The following TEX9 variants were observed in gnomAD, a reference collection of about 807,000 sequenced individuals.
TEX9 encodes the protein testis-expressed protein 9.
Under a neutral mutation model 59.6 loss-of-function variants are expected in TEX9, and 74 were observed. The ratio of observed to expected loss-of-function variants is 1.24; its 90% CI spans 1.03 to 1.51. TEX9 has a LOEUF of 1.51. TEX9 is among the 40% of genes most tolerant of loss of function. TEX9 has a pLI of 0.00. For synonymous variants in TEX9, 186 were observed against 152.2 expected (o/e 1.22, Z -1.64); for missense variants, 522 against 447.8 (o/e 1.17, Z -1.49).
intron 1 of TEX9, among the ~76,000 whole-genome samples, chr15:56,298,262 A>G (rs1192342557): frequency 6.6e-6 from 1 of 152,240 alleles, no homozygotes; most frequent in East Asian, 1.9e-4. Flanking sequence ...ATAGTATTTG[A>G]GCAGTATCAA....
At chr15:56,385,798 A>G (rs1164761599) in intron 4 of TEX9, among the ~76,000 whole-genome samples, 1 of 152,122 alleles carries the variant, frequency 6.6e-6, no homozygotes, top group Non-Finnish European at 1.5e-5. Context: ...GAAGTAGGCT[A>G]TAAGAGGTGC....
intron 12 of TEX9, among the ~76,000 whole-genome samples, chr15:56,441,428 C>T (rs77114047): frequency 0.029 from 4,466 of 152,036 alleles, 243 homozygotes; most frequent in African/African-American, 0.1. Context: ...CGATATCCTG[C>T]GGTTCTGACT....
chr15:56,453,199 T>C, the TEX9 span, among the ~76,000 whole-genome samples: 1 of 152,174 alleles, frequency 6.6e-6, no homozygotes, highest in Non-Finnish European at 1.5e-5. Flanking sequence ...TTTACATATT[T>C]TAATTCCCAA....
At chr15:56,348,119 C>T (rs1322221219) in intron 1 of TEX9, among the ~76,000 whole-genome samples, 1 of 152,038 alleles carries the variant, frequency 6.6e-6, no homozygotes, top group Non-Finnish European at 1.5e-5. Context: ...CAAGATACCA[C>T]CATTGGATGA....
chr15:56,283,844 T>C (rs2044877469), intron 1 of TEX9, among the ~76,000 whole-genome samples: 1 of 152,142 alleles, frequency 6.6e-6, no homozygotes, highest in African/African-American at 2.4e-5. Context: ...CTGATATAAA[T>C]TTGTTGAAAC....
At chr15:56,440,617 G>A (rs2050801149) in intron 12 of TEX9, among the ~76,000 whole-genome samples, 1 of 152,030 alleles carries the variant, frequency 6.6e-6, no homozygotes, top group Non-Finnish European at 1.5e-5. Context: ...ACATGCCAAT[G>A]GAATGTTACT....
At chr15:56,442,533 G>C (rs1245798876) in intron 12 of TEX9, among the ~76,000 whole-genome samples, 1 of 152,112 alleles carries the variant, frequency 6.6e-6, no homozygotes, top group Non-Finnish European at 1.5e-5. Context: ...TGTGGTACAT[G>C]TACACCACGG....
At chr15:56,269,653 C>CTTTTTT (rs1309147898) in intron 1 of TEX9, among the ~76,000 whole-genome samples, 14 of 131,356 alleles carry the variant, frequency 1.1e-4, no homozygotes, top group East Asian at 4.3e-4. Flanking sequence ...CTTTTCTTTT[C>CTTTTTT]TTTTTTTTTT....
At chr15:56,449,322 C>CT (rs576363039), downstream of TEX9, among the ~76,000 whole-genome samples, 51 of 151,264 alleles carry the variant, frequency 3.4e-4, 1 homozygote, top group East Asian at 0.01. Context: ...TTGCTACACT[C>CT]TTTTTATTAA....
At chr15:56,445,577 GCTATA>G (rs1347133916) in intron 12 of TEX9, 1 of 151,870 alleles carries the variant, frequency 6.6e-6, no homozygotes, top group African/African-American at 2.4e-5. Flanking sequence ...CTTTGTACAT[GCTATA>G]CTAAATTCTT....
chr15:56,290,712 C>T (rs2045068872), intron 1 of TEX9, among the ~76,000 whole-genome samples: 1 of 152,142 alleles, frequency 6.6e-6, no homozygotes, highest in Admixed American at 6.5e-5. Flanking sequence ...ACCTCAGTCT[C>T]CCAAAGTGCT....
chr15:56,322,654 G>A (rs1394365593), intron 1 of TEX9, among the ~76,000 whole-genome samples: 1 of 152,178 alleles, frequency 6.6e-6, no homozygotes, highest in African/African-American at 2.4e-5. Context: ...CCAAGGCACA[G>A]TTGTATGATT....
chr15:56,444,323 G>A, intron 12 of TEX9: 1 of 741,582 alleles, frequency 1.3e-6, no homozygotes, highest in Non-Finnish European at 2.1e-6. Context: ...TTCATAGCTA[G>A]TATTTATTGA....
At chr15:56,407,576 T>C (rs192763863) in intron 9 of TEX9, among the ~76,000 whole-genome samples, 134 of 152,320 alleles carry the variant, frequency 8.8e-4, no homozygotes, top group African/African-American at 3.0e-3. Flanking sequence ...TTTCTGATAC[T>C]GATAATTTGT....
At chr15:56,460,009 A>AAAAAAAAATATATATATATATAT in the TEX9 span, among the ~76,000 whole-genome samples, 33 of 26,372 alleles carry the variant, frequency 1.3e-3, 7 homozygotes, top group Non-Finnish European at 2.2e-3. Context: ...AAAAAAAAAA[A>AAAAAAAAATATATATATATATAT]ATACATATAT....
intron 1 of TEX9, among the ~76,000 whole-genome samples, chr15:56,315,105 A>T (rs185698632): frequency 2.0e-5 from 3 of 150,604 alleles, no homozygotes; most frequent in African/African-American, 4.9e-5. Flanking sequence ...TCTTTATCCA[A>T]TTTGCCAGTC....
chr15:56,265,714 T>C (rs1331799664), intron 1 of TEX9, among the ~76,000 whole-genome samples: 1 of 152,216 alleles, frequency 6.6e-6, no homozygotes, highest in Admixed American at 6.5e-5. Flanking sequence ...TTCATATGAT[T>C]TTTAATTCTT....
In TEX9 at chr15:56,387,317, A is replaced by T. The variant is rs572586979; in HGVS notation, c.264-1155A>T. On this transcript the variant is annotated intron_variant, in intron 4 of 12. Coordinates refer to ENST00000352903, the Ensembl canonical transcript of TEX9. ...AAGGTACAGAAAATGTACTAAAATG[A>T]CAAACATTAATTTAAAATGAGGAAG... Among the ~76,000 whole-genome samples the T allele has an allele frequency of 6.6e-5, 10 of 152,082 alleles. 1 individual carries two copies. In the South Asian group the frequency reaches 2.1e-3, roughly 31 times the overall value.
At chr15:56,437,007 C>T (rs1373976466) in intron 12 of TEX9, among the ~76,000 whole-genome samples, 2 of 152,050 alleles carry the variant, frequency 1.3e-5, no homozygotes, top group Admixed American at 6.5e-5. Flanking sequence ...GATTCACAGC[C>T]GAATTCTACC....
Sources: allele counts gnomAD v4.1 joint callset (sites outside exome capture counted in the v4.1 genomes callset), GRCh38; gene constraint gnomAD v4.1.1; transcripts MANE v1.5; gene names NCBI Gene and HGNC (gene_info 2026-07-23, HGNC 2026-07-21).